Variants in PUS7L observed in about 807,000 individuals in gnomAD.
The protein encoded by PUS7L is pseudouridine synthase 7 like.
PUS7L carries 49 observed loss-of-function variants against 51.1 expected under a neutral mutation model. That is an observed-to-expected ratio of 0.96 (90% CI 0.76 to 1.22). The LOEUF (loss-of-function observed/expected upper bound fraction) is 1.22. Among genes scored for constraint, PUS7L ranks in the 50% most tolerant of loss-of-function variants. The pLI, the probability that PUS7L is intolerant of heterozygous loss-of-function variation, is 0.00. For missense variants in PUS7L, 828 were observed against 820.6 expected (o/e 1.01, Z -0.11); for synonymous variants, 277 against 276.2 (o/e 1.00, Z -0.03).
rs1944403784 is a variant in PUS7L, at chr12:43,722,104, C to G, written c.*8272G>C. The G allele has an allele frequency of 6.6e-6, 1 of 152,012 alleles. No individual in the cohort carries two copies. The highest frequency in any genetic ancestry group is 2.4e-5 in the African/African-American group (1 of 41,402). 9.4% of individuals were successfully genotyped at this position (152,012 alleles called of 1,614,324 possible). ...ATCTGAAATCTGAAACTTTTAGTCC[C>G]AAACATTTTAGATAAGGGATATTCA... is the stretch of plus-strand genomic sequence containing the variant. On this transcript the variant is annotated 3_prime_UTR_variant, in exon 9 of 9. Transcript: ENST00000344862.
At position 43,747,787 on chromosome 12, in the gene PUS7L, T is replaced by C. The variant is rs572043862; in HGVS notation, c.1070+663A>G. On this transcript the variant is annotated intron_variant, in intron 3 of 8. Transcript: ENST00000344862. ...CAGAGAAAAATGTTATTGCAGTTAT[T>C]TACTTTTGTTTATTTTTTTGAGACG... Among the ~76,000 whole-genome samples the C allele has an allele frequency of 9.8e-5, 15 of 152,336 alleles. No homozygotes were observed. In the South Asian group the frequency reaches 3.1e-3, roughly 32 times the overall value.
At position 43,754,542 on chromosome 12, in the gene PUS7L, G is replaced by A. The variant is rs1279766985; in HGVS notation, c.704C>T (p.Pro235Leu). 1 of 1,610,112 alleles carries A rather than the reference G, an allele frequency of 6.2e-7. No homozygotes were observed. Among genetic ancestry groups the A allele is most frequent in the Non-Finnish European group, 8.5e-7 (1 of 1,178,758 alleles). The part of the protein sequence containing the change: ...KKENSKFTFK[P>L]DTNKDHRKAV... Reference sequence around the variant, plus strand: ...TTTTCTGTGGTCTTTGTTTGTATCAGGTTTAAAGGTAAATTTGGAATTTTC... The same window carrying A: ...TTTTCTGTGGTCTTTGTTTGTATCAAGTTTAAAGGTAAATTTGGAATTTTC... The change falls in exon 2 of 9, where the codon CCT becomes CTT. Residue 235 changes from proline to leucine, a missense_variant. Transcript: ENST00000344862.
intron 7 of PUS7L, among the ~76,000 whole-genome samples, 195 bp from the exon 8 acceptor site, chr12:43,731,953 C>T (rs1020417851): frequency 2.0e-5 from 3 of 152,158 alleles, no homozygotes; most frequent in East Asian, 3.8e-4. Flanking sequence ...CCTGCTTTAA[C>T]CACTAATCAC....
chr12:43,756,060 C>T (rs1938686232), intron 1 of PUS7L, among the ~76,000 whole-genome samples: 1 of 152,120 alleles, frequency 6.6e-6, no homozygotes, highest in Non-Finnish European at 1.5e-5. Flanking sequence ...GTGTTTCCCC[C>T]ACATTCTCCA....
chr12:43,725,372 A>G lies in PUS7L; in HGVS notation c.*5004T>C, dbSNP rs987392787. The G allele has an allele frequency of 1.3e-5, 2 of 152,204 alleles. No homozygotes were observed. The highest frequency in any genetic ancestry group is 4.8e-5 in the African/African-American group (2 of 41,546). 9.4% of individuals were successfully genotyped at this position (152,204 alleles called of 1,614,324 possible). ...CATGCCCCAATATGCCTATTAAATC[A>G]ATGGCAAGTTATATCAAGTTGGTAG... is the stretch of plus-strand genomic sequence containing the variant. On this transcript the variant is annotated 3_prime_UTR_variant, in exon 9 of 9. Transcript: ENST00000344862.
rs188101589 is a variant in PUS7L, at chr12:43,735,087, G to A, written c.1725+1294C>T. Among the ~76,000 whole-genome samples the A allele has an allele frequency of 3.2e-4, 48 of 152,194 alleles. 1 individual carries two copies. The highest frequency in any genetic ancestry group is 9.6e-4 in the African/African-American group (40 of 41,550). On this transcript the variant is annotated intron_variant, in intron 7 of 8. Transcript: ENST00000344862. The stretch of plus-strand genomic sequence containing the variant: ...TCTCAGCACTTTGGGAGGCCGAGGC[G>A]GGTGGATCACGAGGTCAGGAGATCG...
chr12:43,754,254 G>T, intron 2 of PUS7L, 82 bp downstream of exon 2: 2 of 973,650 alleles, frequency 2.1e-6, no homozygotes, highest in Non-Finnish European at 3.1e-6. Flanking sequence ...AATCTCTCTA[G>T]CCAAGTCTGT....
At chr12:43,741,852 A>G (rs1370583096) in intron 5 of PUS7L, among the ~76,000 whole-genome samples, 1 of 152,216 alleles carries the variant, frequency 6.6e-6, no homozygotes, top group Non-Finnish European at 1.5e-5. Flanking sequence ...ACGAGATACT[A>G]TCATAAGAAT....
At chr12:43,743,419 G>A (rs1471685950) in intron 4 of PUS7L, among the ~76,000 whole-genome samples, 1 of 152,166 alleles carries the variant, frequency 6.6e-6, no homozygotes, top group East Asian at 1.9e-4. Context: ...GAGCCAATTT[G>A]TTATCAGCAT....
At chr12:43,743,645 C>T (rs1218700575) in intron 4 of PUS7L, among the ~76,000 whole-genome samples, 1 of 152,010 alleles carries the variant, frequency 6.6e-6, no homozygotes, top group Non-Finnish European at 1.5e-5. Context: ...CACCTGTAGT[C>T]CCAGCTACTC....
intron 4 of PUS7L, among the ~76,000 whole-genome samples, chr12:43,743,871 A>T (rs1180692951): frequency 2.0e-5 from 3 of 152,250 alleles, no homozygotes; most frequent in Non-Finnish European, 2.9e-5. Context: ...GACGTCCTAG[A>T]GTAACCAGAA....
rs923311096 is a variant in PUS7L, at chr12:43,729,001, C to G, written c.*1375G>C. ...TTTTAATCACTATGCTAACATGTCT[C>G]TTATTTGTGAAAGATGAATTCAGAG... On this transcript the variant is annotated 3_prime_UTR_variant, in exon 9 of 9. Transcript: ENST00000344862. The G allele has an allele frequency of 2.2e-5, 8 of 362,858 alleles. No individual in the cohort carries two copies. The highest frequency in any genetic ancestry group is 3.0e-5 in the Non-Finnish European group (6 of 203,008). 22.5% of individuals were successfully genotyped at this position (362,858 alleles called of 1,614,324 possible).
intron 1 of PUS7L, chr12:43,758,209 ATTC>A: frequency 1.7e-6 from 1 of 593,042 alleles, no homozygotes; most frequent in Non-Finnish European, 2.1e-6. Context: ...GAAGACAGAC[ATTC>A]TAAGCAAGTG....
At position 43,754,854 on chromosome 12, in the gene PUS7L, T is replaced by C. The variant is rs779711083; in HGVS notation, c.392A>G (p.Glu131Gly). ...KADVLSSFLD[E>G]KTHELLNNFA... ...ATTATTCAGTAACTCATGAGTTTTT[T>C]CATCCAAAAAGGAGCTTAAAACATC... The change falls in exon 2 of 9, where the codon GAA (glutamate) becomes GGA (glycine). Residue 131 changes from glutamate (E) to glycine (G), a missense_variant. Physicochemically the swap from Glu to Gly is moderately conservative, Grantham distance 98. Transcript: ENST00000344862. 22 of 1,613,424 alleles carry C rather than the reference T, an allele frequency of 1.4e-5. No homozygotes were observed. The East Asian group carries it at 4.7e-4, about 34-fold the overall frequency.
chr12:43,758,246 G>T (rs770608784), intron 1 of PUS7L: 20 of 891,564 alleles, frequency 2.2e-5, no homozygotes, highest in Non-Finnish European at 2.7e-5. Context: ...AACTTGGGGA[G>T]AATGTAATTC....
intron 4 of PUS7L, among the ~76,000 whole-genome samples, chr12:43,743,138 C>T (rs1248949399): frequency 6.6e-6 from 1 of 152,156 alleles, no homozygotes; most frequent in Non-Finnish European, 1.5e-5. Context: ...GGGAAGAATA[C>T]AGACTTCACT....
At position 43,754,623 on chromosome 12, in the gene PUS7L, T is replaced by G; in HGVS notation, c.623A>C (p.His208Pro). 1 of 1,613,364 alleles carries G rather than the reference T, an allele frequency of 6.2e-7. No individual in the cohort carries two copies. The highest frequency in any genetic ancestry group is 1.1e-5 in the South Asian group (1 of 90,930). The change falls in exon 2 of 9, where the codon CAT becomes CCT. Residue 208 changes from histidine (H) to proline (P), a missense_variant. By Grantham distance (77) the His-to-Pro change is moderately conservative (BLOSUM62 -2). Coordinates refer to ENST00000344862, the MANE Select transcript of PUS7L (RefSeq NM_031292.5). Reference protein sequence around the residue: ...KPNLEYKELCHLVSEEEAFDF... With the variant: ...KPNLEYKELCPLVSEEEAFDF... ...AAATGCTTCCTCTTCAGATACCAAA[T>G]GACAAAGTTCTTTATATTCAAGATT...
intron 1 of PUS7L, among the ~76,000 whole-genome samples, chr12:43,757,899 A>C (rs936420014): frequency 6.6e-6 from 1 of 152,238 alleles, no homozygotes; most frequent in African/African-American, 2.4e-5. Context: ...GGGAGACTAC[A>C]GTGCTGGAAA....
chr12:43,743,755 T>A (rs1389169927), intron 4 of PUS7L, among the ~76,000 whole-genome samples: 1 of 151,290 alleles, frequency 6.6e-6, no homozygotes, highest in Admixed American at 6.6e-5. Flanking sequence ...AGAGCGAGAC[T>A]CCGTCTCAAA....
Sources: allele counts gnomAD v4.1 joint callset (sites outside exome capture counted in the v4.1 genomes callset), GRCh38; gene constraint gnomAD v4.1.1; transcripts MANE v1.5; gene names NCBI Gene and HGNC (gene_info 2026-07-23, HGNC 2026-07-21).